ANKS1A: variants seen among roughly 807,000 people sequenced by gnomAD.
ANKS1A encodes ankyrin repeat and SAM domain-containing protein 1A.
A neutral mutation model predicts 120.3 loss-of-function variants in ANKS1A; 55 were observed. The observed-to-expected ratio is 0.46, with a 90% CI of 0.37 to 0.57. The LOEUF (loss-of-function observed/expected upper bound fraction) is 0.57, where lower values mean the gene tolerates loss of function less well. Among genes scored for constraint, ANKS1A ranks in the 20% least tolerant of loss-of-function variants. The pLI, the probability that ANKS1A is intolerant of heterozygous loss-of-function variation, is 0.00. For missense variants in ANKS1A, 1,123 were observed against 1,480.3 expected, an observed-to-expected ratio of 0.76 and a Z score of 3.96; for synonymous variants, 590 against 604.7, an observed-to-expected ratio of 0.98 and a Z score of 0.36.
chr6:35,050,480 A>C lies in ANKS1A; in HGVS notation c.2011-3619A>C, dbSNP rs938121145. Among the ~76,000 whole-genome samples, 15 of 152,154 alleles carry C rather than the reference A, an allele frequency of 9.9e-5. No individual in the cohort carries two copies. The highest frequency in any genetic ancestry group is 5.8e-4 in the East Asian group (3 of 5,202). ...TAACCTGCCTCTTCCCCTGAAATGC[A>C]GACCATTTCTGGGAAAGCTGCCTGT... On this transcript the variant is annotated intron_variant, in intron 11 of 23. Transcript: ENST00000360359. The surrounding 1 kb of genome is among the most constrained non-coding windows in gnomAD (Gnocchi z 4.3).
chr6:34,921,126 T>G, intron 1 of ANKS1A, among the ~76,000 whole-genome samples: 1 of 152,184 alleles, frequency 6.6e-6, no homozygotes, highest in Admixed American at 6.5e-5. Flanking sequence ...CATTTCTTCA[T>G]TTGTCCAAAA....
chr6:35,031,292 C>G (rs1273015819), intron 11 of ANKS1A, among the ~76,000 whole-genome samples: 1 of 152,194 alleles, frequency 6.6e-6, no homozygotes, highest in Non-Finnish European at 1.5e-5. Context: ...GTGACTCTAC[C>G]TACTCTCCAC....
At chr6:34,945,980 T>C (rs1392655610) in intron 1 of ANKS1A, among the ~76,000 whole-genome samples, 1 of 145,994 alleles carries the variant, frequency 6.8e-6, no homozygotes, top group East Asian at 2.3e-4. Flanking sequence ...TTTATTTTTA[T>C]TTATTTTTTT....
In ANKS1A at chr6:35,086,516, CCTCT is replaced by C; in HGVS notation, c.3304-433_3304-430del. The C allele has an allele frequency of 2.0e-6, 1 of 512,008 alleles. No homozygotes were observed. Among genetic ancestry groups the C allele is most frequent in the Non-Finnish European group, 3.4e-6 (1 of 293,918 alleles). 31.7% of individuals were successfully genotyped at this position (512,008 alleles called of 1,614,324 possible). A position where few individuals can be genotyped will look rare whatever the true frequency, so the allele number is the denominator to read the frequency against. On this transcript the variant is annotated intron_variant, in intron 22 of 23. Coordinates refer to ENST00000360359, the MANE Select transcript of ANKS1A (RefSeq NM_015245.3). The surrounding 1 kb of genome is among the most constrained non-coding windows in gnomAD (Gnocchi z 5.1). ...CTGCCTGTTCTGTGTGTGCTTCAGC[CCTCT>C]CTGTTTTTCTGTTGTGTGTCCTCTC...
intron 1 of ANKS1A, among the ~76,000 whole-genome samples, chr6:34,909,769 G>A (rs924396769): frequency 8.5e-5 from 13 of 152,192 alleles, no homozygotes; most frequent in East Asian, 5.8e-4. Context: ...GTTCCTCCCC[G>A]AAGGGATGAG....
intron 3 of ANKS1A, among the ~76,000 whole-genome samples, chr6:34,976,359 G>A (rs1486610331): frequency 6.6e-6 from 1 of 151,928 alleles, no homozygotes; most frequent in Non-Finnish European, 1.5e-5. Context: ...TTGACATTTG[G>A]GGCCTTTTTC....
At chr6:34,892,355 C>G (rs75127442) in intron 1 of ANKS1A, among the ~76,000 whole-genome samples, 1 of 152,156 alleles carries the variant, frequency 6.6e-6, no homozygotes, top group Non-Finnish European at 1.5e-5. Flanking sequence ...GGTAGGTTAC[C>G]TCTGCTCCCA....
At chr6:34,918,536 C>T (rs1029946677) in intron 1 of ANKS1A, among the ~76,000 whole-genome samples, 1 of 152,138 alleles carries the variant, frequency 6.6e-6, no homozygotes, top group African/African-American at 2.4e-5. Context: ...CAAGCTCATC[C>T]CCAGTGCATG....
At position 35,090,435 on chromosome 6, in the gene ANKS1A, A is replaced by G. The variant is rs1432835386; in HGVS notation, c.*1826A>G. The G allele has an allele frequency of 2.5e-6, 3 of 1,184,118 alleles. No homozygotes were observed. The highest frequency in any genetic ancestry group is 3.2e-6 in the Non-Finnish European group (3 of 938,382). The allele number at this position is 1,184,118 out of a possible 1,614,324, so 73.4% of individuals were successfully genotyped here. A position where few individuals can be genotyped will look rare whatever the true frequency, so the allele number is the denominator to read the frequency against. ...GGTAGGTCCGAAAGAAACCGCAGAC[A>G]CTACGATGCACTCCTCAAGCTGTCT... On this transcript the variant is annotated 3_prime_UTR_variant, in exon 24 of 24. Coordinates refer to ENST00000360359, the MANE Select transcript of ANKS1A (RefSeq NM_015245.3).
Position 34,889,357 on chromosome 6 carries a change from C to T in ANKS1A, c.-46C>T. The T allele has an allele frequency of 1.6e-6, 2 of 1,244,540 alleles. No individual in the cohort carries two copies. Among genetic ancestry groups the T allele is most frequent in the Non-Finnish European group, 2.0e-6 (2 of 995,972 alleles). 77.1% of individuals were successfully genotyped at this position (1,244,540 alleles called of 1,614,324 possible). ...GAAAGTTTGGGAGCCCGAGCAGGCT[C>T]GGCTGCAGCCTCGGGGAGGGGGTCC... On this transcript the variant is annotated 5_prime_UTR_variant, in exon 1 of 24. Transcript: ENST00000360359. The surrounding 1 kb of genome is among the most constrained non-coding windows in gnomAD (Gnocchi z 5.5).
chr6:35,011,519 C>T (rs140724020), intron 10 of ANKS1A, among the ~76,000 whole-genome samples: 111 of 152,196 alleles, frequency 7.3e-4, no homozygotes, highest in Middle Eastern at 3.4e-3. Flanking sequence ...GTAATCAAGA[C>T]CAAGTCAATG....
intron 10 of ANKS1A, among the ~76,000 whole-genome samples, chr6:35,003,002 AG>A (rs1422826082): frequency 6.7e-6 from 1 of 148,810 alleles, no homozygotes; most frequent in Non-Finnish European, 1.5e-5. Context: ...ATGTGGACAT[AG>A]AACCTACGCT....
At chr6:35,024,554 T>C (rs907498996) in intron 11 of ANKS1A, among the ~76,000 whole-genome samples, 9 of 152,230 alleles carry the variant, frequency 5.9e-5, no homozygotes, top group Admixed American at 2.0e-4. Context: ...TTTGTATGCA[T>C]TTTGTATAAG....
At chr6:34,951,757 A>G (rs1433564192) in intron 1 of ANKS1A, among the ~76,000 whole-genome samples, 1 of 152,232 alleles carries the variant, frequency 6.6e-6, no homozygotes, top group Non-Finnish European at 1.5e-5. Flanking sequence ...AATACTTTCA[A>G]TACTTACCTT....
intron 1 of ANKS1A, among the ~76,000 whole-genome samples, chr6:34,927,425 T>C (rs773369498): frequency 3.9e-5 from 6 of 151,994 alleles, no homozygotes; most frequent in Non-Finnish European, 7.4e-5. Context: ...GGGATATTGA[T>C]AAATGGGCAC....
chr6:34,974,296 TC>T, intron 3 of ANKS1A, among the ~76,000 whole-genome samples: 1 of 39,660 alleles, frequency 2.5e-5, no homozygotes, highest in Non-Finnish European at 4.7e-5. Context: ...CCCCTTCCCT[TC>T]CCCTTCCCTT....
chr6:35,090,086 G>A lies in ANKS1A; in HGVS notation c.*1477G>A. 2 of 1,285,428 alleles carry A rather than the reference G, an allele frequency of 1.6e-6. No individual in the cohort carries two copies. The highest frequency in any genetic ancestry group is 2.0e-6 in the Non-Finnish European group (2 of 986,276). The allele number at this position is 1,285,428 out of a possible 1,614,324, so 79.6% of individuals were successfully genotyped here. ...GACTGGCTAGAGGCCAGGCCTTGTG[G>A]GTTTCTATCTGCTAAGCACCCAGCA... On this transcript the variant is annotated 3_prime_UTR_variant, in exon 24 of 24. Coordinates refer to ENST00000360359, the MANE Select transcript of ANKS1A (RefSeq NM_015245.3).
chr6:34,998,243 G>A (rs1234371516), intron 10 of ANKS1A, among the ~76,000 whole-genome samples: 1 of 152,180 alleles, frequency 6.6e-6, no homozygotes, highest in Admixed American at 6.5e-5. Context: ...TAATGTCATT[G>A]TCTTATGCAG....
At chr6:34,984,768 A>G (rs1007692019) in intron 7 of ANKS1A, among the ~76,000 whole-genome samples, 2 of 152,228 alleles carry the variant, frequency 1.3e-5, no homozygotes, top group East Asian at 1.9e-4. Flanking sequence ...ACACCTTGCT[A>G]TATCTTATGG....
Sources: allele counts gnomAD v4.1 joint callset (sites outside exome capture counted in the v4.1 genomes callset), GRCh38; gene constraint gnomAD v4.1.1; non-coding constraint Gnocchi (gnomAD v3.1); transcripts MANE v1.5; gene names NCBI Gene and HGNC (gene_info 2026-07-23, HGNC 2026-07-21).